Variants in FOCAD observed in about 807,000 individuals in gnomAD.
FOCAD encodes focadhesin.
In FOCAD, 198 loss-of-function variants were observed where a neutral mutation model predicts 225.6. That is an observed-to-expected ratio of 0.88 (90% confidence interval 0.78 to 0.99). The LOEUF (loss-of-function observed/expected upper bound fraction) is 0.99. FOCAD is among the 50% of genes least tolerant of loss of function. The pLI, the probability that FOCAD is intolerant of heterozygous loss-of-function variation, is 0.00. For synonymous variants in FOCAD, 897 were observed against 755.0 expected (o/e 1.19, Z -3.08); for missense variants, 2,713 against 2,123.6 (o/e 1.28, Z -5.46).
chr9:20,770,390 G>T, intron 8 of FOCAD, 152 bp downstream of exon 8: 2 of 693,912 alleles, frequency 2.9e-6, no homozygotes, highest in Non-Finnish European at 4.7e-6. Context: ...TTCTGGGGAG[G>T]CCTCAGGAAA....
intron 15 of FOCAD, among the ~76,000 whole-genome samples, chr9:20,825,288 GC>G (rs1251662750): frequency 6.6e-6 from 1 of 151,862 alleles, no homozygotes; most frequent in Non-Finnish European, 1.5e-5. Context: ...CTAACTGGGG[GC>G]TCATCTTTTG....
At chr9:20,904,093 TC>T (rs1337184869) in intron 21 of FOCAD, among the ~76,000 whole-genome samples, 4 of 151,960 alleles carry the variant, frequency 2.6e-5, no homozygotes, top group Non-Finnish European at 5.9e-5. Context: ...AGTACTTCAT[TC>T]TTTTTGTGAC....
chr9:20,892,823 T>G (rs1370444133), intron 21 of FOCAD, among the ~76,000 whole-genome samples: 1 of 152,154 alleles, frequency 6.6e-6, no homozygotes, highest in East Asian at 1.9e-4. Flanking sequence ...AGAAATCTTT[T>G]GTGAAAGGAA....
chr9:20,661,528 A>G (rs545388725), intron 2 of FOCAD, among the ~76,000 whole-genome samples: 7 of 152,342 alleles, frequency 4.6e-5, no homozygotes, highest in African/African-American at 1.7e-4. Flanking sequence ...AGCACAGACT[A>G]GGCAGGTAAT....
At position 20,838,898 on chromosome 9, in the gene FOCAD, C is replaced by G. The variant is rs532780282; in HGVS notation, c.1920+15783C>G. Among the ~76,000 whole-genome samples, 403 of 152,114 alleles carry G rather than the reference C, an allele frequency of 2.6e-3. 7 individuals carry two copies. Among genetic ancestry groups the G allele is most frequent in the African/African-American group, 9.4e-3 (389 of 41,502 alleles). ...AGAGTATTTCTTATTTATCTTTTAT[C>G]TTTAAAAGATAAATTAAGCTTTACT... On this transcript the variant is annotated intron_variant, in intron 15 of 43. Coordinates refer to ENST00000338382, the MANE Select transcript of FOCAD (RefSeq NM_001375567.1).
intron 25 of FOCAD, 32 bp downstream of exon 25, chr9:20,923,800 G>T (rs527517414): frequency 7.1e-6 from 11 of 1,540,652 alleles, no homozygotes; most frequent in Non-Finnish European, 9.8e-6. Flanking sequence ...AATTGGCTTT[G>T]ATTATGTCTT....
At chr9:20,872,161 A>G (rs977966253) in intron 18 of FOCAD, among the ~76,000 whole-genome samples, 3 of 152,150 alleles carry the variant, frequency 2.0e-5, no homozygotes, top group Non-Finnish European at 2.9e-5. Flanking sequence ...GACATATGCT[A>G]TTCACTGCAT....
chr9:20,771,617 G>T (rs184737630), intron 8 of FOCAD, among the ~76,000 whole-genome samples: 37 of 152,254 alleles, frequency 2.4e-4, no homozygotes, highest in Non-Finnish European at 4.3e-4. Flanking sequence ...AAAATTAGCT[G>T]GGTGTGGTGT....
intron 1 of FOCAD, among the ~76,000 whole-genome samples, chr9:20,705,948 T>G (rs1429487929): frequency 1.0e-5 from 1 of 96,002 alleles, no homozygotes; most frequent in African/African-American, 4.0e-5. Flanking sequence ...TTTTTTTTTT[T>G]TTTTTAAACA....
At chr9:20,727,797 T>C (rs1293518385) in intron 4 of FOCAD, among the ~76,000 whole-genome samples, 1 of 152,220 alleles carries the variant, frequency 6.6e-6, no homozygotes, top group East Asian at 1.9e-4. Context: ...TGGCCACATT[T>C]GTTCCCATGA....
At chr9:20,812,186 T>C (rs1823150355) in intron 11 of FOCAD, among the ~76,000 whole-genome samples, 1 of 152,006 alleles carries the variant, frequency 6.6e-6, no homozygotes, top group African/African-American at 2.4e-5. Flanking sequence ...TGCTTTGGAG[T>C]TTTGCCTCTC....
intron 17 of FOCAD, 134 bp from the exon 18 acceptor site, chr9:20,866,795 C>A: frequency 1.8e-6 from 1 of 560,686 alleles, no homozygotes; most frequent in Non-Finnish European, 3.0e-6. Flanking sequence ...ATTTTCAAAG[C>A]ACTGACTGTA....
At chr9:20,877,887 A>G (rs1458054984) in intron 19 of FOCAD, among the ~76,000 whole-genome samples, 1 of 152,040 alleles carries the variant, frequency 6.6e-6, no homozygotes, top group African/African-American at 2.4e-5. Context: ...CAGTCTGGGC[A>G]ACAGAGAGAC....
At chr9:20,922,870 G>A (rs1834578646) in intron 24 of FOCAD, among the ~76,000 whole-genome samples, 1 of 152,196 alleles carries the variant, frequency 6.6e-6, no homozygotes, top group African/African-American at 2.4e-5. Context: ...TATAGGATCA[G>A]CTTGGAATTA....
chr9:20,908,167 A>G (rs1833144070), intron 22 of FOCAD, among the ~76,000 whole-genome samples: 1 of 152,122 alleles, frequency 6.6e-6, no homozygotes, highest in Non-Finnish European at 1.5e-5. Flanking sequence ...TTCGTAGCTT[A>G]AAATTGATTA....
chr9:20,835,019 T>C (rs1315769674), intron 15 of FOCAD, among the ~76,000 whole-genome samples: 1 of 152,116 alleles, frequency 6.6e-6, no homozygotes, highest in African/African-American at 2.4e-5. Flanking sequence ...TACTAGAAAA[T>C]TTAAAAGGAT....
At chr9:20,872,531 C>T (rs1829875841) in intron 18 of FOCAD, among the ~76,000 whole-genome samples, 1 of 137,888 alleles carries the variant, frequency 7.3e-6, no homozygotes, top group African/African-American at 2.7e-5. Context: ...CCTCCTCTTC[C>T]CCTCCCCCTC....
intron 11 of FOCAD, among the ~76,000 whole-genome samples, chr9:20,811,247 A>T (rs1277250531): frequency 3.9e-5 from 6 of 152,090 alleles, no homozygotes. Context: ...CTAAGTGGCA[A>T]GTACATGGGT....
chr9:20,932,804 T>C (rs1475896930), intron 27 of FOCAD, among the ~76,000 whole-genome samples: 1 of 152,200 alleles, frequency 6.6e-6, no homozygotes, highest in Admixed American at 6.5e-5. Flanking sequence ...GTGATTATAC[T>C]GCTCAGAAAT....
Sources: gnomAD v4.1 joint callset for allele counts (sites outside exome capture counted in the v4.1 genomes callset) on GRCh38, gnomAD v4.1.1 for gene constraint, MANE v1.5 for transcripts, NCBI Gene and HGNC (gene_info 2026-07-23, HGNC 2026-07-21) for gene names.